Variants in FCHSD2 observed in about 807,000 individuals in gnomAD.
FCHSD2 encodes F-BAR and double SH3 domains protein 2.
In FCHSD2, 38 loss-of-function variants were observed where a neutral mutation model predicts 108.1. The observed-to-expected ratio is 0.35, with a 90% confidence interval of 0.27 to 0.46. The LOEUF (loss-of-function observed/expected upper bound fraction) is 0.46. FCHSD2 is among the 20% of genes least tolerant of loss of function. FCHSD2 has a pLI of 1.00. For missense variants in FCHSD2, 751 were observed against 897.8 expected, an observed-to-expected ratio of 0.84 and a Z score of 2.09; for synonymous variants, 279 against 314.7, an observed-to-expected ratio of 0.89 and a Z score of 1.20.
At chr11:73,077,668 A>C (rs778291317) in intron 3 of FCHSD2, 1 of 428,506 alleles carries the variant, frequency 2.3e-6, no homozygotes. Flanking sequence ...ATACAATGGA[A>C]TACTACACAG....
chr11:73,072,455 A>G (rs1859460098), intron 3 of FCHSD2, among the ~76,000 whole-genome samples: 1 of 152,262 alleles, frequency 6.6e-6, no homozygotes, highest in African/African-American at 2.4e-5. Context: ...AGTTTTTAAA[A>G]ACTTAAAAAT....
chr11:72,922,510 T>C (rs1210216387), intron 8 of FCHSD2, among the ~76,000 whole-genome samples: 2 of 152,122 alleles, frequency 1.3e-5, no homozygotes, highest in Non-Finnish European at 2.9e-5. Context: ...CTTATTTCCT[T>C]AAACATTTTG....
intron 3 of FCHSD2, among the ~76,000 whole-genome samples, chr11:73,024,515 T>A (rs1213870087): frequency 1.3e-5 from 2 of 152,024 alleles, no homozygotes; most frequent in Admixed American, 6.6e-5. Flanking sequence ...AAGCTCAGTG[T>A]TGGAGTGGGA....
At chr11:73,004,109 CAAAAAAAAAAAAAA>C (rs58773322) in intron 4 of FCHSD2, among the ~76,000 whole-genome samples, 2 of 43,044 alleles carry the variant, frequency 4.6e-5, no homozygotes, top group East Asian at 8.4e-4. Flanking sequence ...ACTCCAACTC[CAAAAAAAAAAAAAA>C]AAAAAAAAAA....
At chr11:73,092,938 C>A (rs1859990630) in intron 2 of FCHSD2, among the ~76,000 whole-genome samples, 1 of 152,098 alleles carries the variant, frequency 6.6e-6, no homozygotes. Context: ...GGACCTTGTG[C>A]CACACCAAAT....
In FCHSD2 at chr11:72,889,465, A is replaced by ACTC. The variant is rs1403588750; in HGVS notation, c.1041+363_1041+364insGAG. ...TGACAGCACACTGCTGAGTGTTGAG[A>ACTC]AAGTACAGAAAAAACACATATAATG... On this transcript the variant is annotated intron_variant, in intron 11 of 19. Coordinates refer to ENST00000409418, the MANE Select transcript of FCHSD2 (RefSeq NM_014824.3). Among the ~76,000 whole-genome samples the ACTC allele has an allele frequency of 3.6e-3, 543 of 152,262 alleles. 1 individual carries two copies. Among genetic ancestry groups the ACTC allele is most frequent in the African/African-American group, 0.012 (515 of 41,534 alleles).
chr11:73,003,441 G>C (rs1857667362), intron 4 of FCHSD2, among the ~76,000 whole-genome samples: 1 of 151,840 alleles, frequency 6.6e-6, no homozygotes, highest in African/African-American at 2.4e-5. Context: ...AATGGTAGTG[G>C]TGTTTTTCAT....
intron 3 of FCHSD2, among the ~76,000 whole-genome samples, chr11:73,065,261 G>T (rs1008260087): frequency 6.6e-6 from 1 of 151,916 alleles, no homozygotes; most frequent in Non-Finnish European, 1.5e-5. Flanking sequence ...AAAAAAACAC[G>T]ATTATCTCAA....
chr11:73,123,315 T>C (rs557631885), intron 2 of FCHSD2, among the ~76,000 whole-genome samples: 1 of 152,350 alleles, frequency 6.6e-6, no homozygotes, highest in Non-Finnish European at 1.5e-5. Flanking sequence ...GCCAAGCCAG[T>C]ATTTCCTGGA....
chr11:73,007,776 T>C (rs1211234712), intron 4 of FCHSD2, among the ~76,000 whole-genome samples: 1 of 152,202 alleles, frequency 6.6e-6, no homozygotes, highest in Non-Finnish European at 1.5e-5. Flanking sequence ...TGAATGTGTA[T>C]AAAACTAACG....
At position 73,140,062 on chromosome 11, in the gene FCHSD2, G is replaced by C; in HGVS notation, c.88C>G (p.Gln30Glu). ...EQMTKLQAKH[Q>E]AECDLLEDMR... ...TCTTCAAGCAAATCACATTCTGCTT[G>C]ATGTTTGGCTTGAAGTTTTGTCATC... is the stretch of plus-strand genomic sequence containing the variant. Residue 30 changes from glutamine (Q) to glutamate (E), a missense_variant, in exon 2 of 20, where the codon CAA becomes GAA. By Grantham distance (29) the Gln-to-Glu change is conservative. Transcript: ENST00000409418. 1.9e-6 allele frequency: 3 copies of C among 1,546,102 alleles called. No individual in the cohort carries two copies. The highest frequency in any genetic ancestry group is 1.2e-5 in the South Asian group (1 of 82,888).
chr11:73,067,616 C>G (rs1317361753), intron 3 of FCHSD2, among the ~76,000 whole-genome samples: 2 of 151,990 alleles, frequency 1.3e-5, no homozygotes, highest in Non-Finnish European at 2.9e-5. Flanking sequence ...ATTTATAAGA[C>G]CTGGTTCTAC....
intron 8 of FCHSD2, among the ~76,000 whole-genome samples, chr11:72,980,168 T>TG (rs1857186011): frequency 6.6e-6 from 1 of 152,188 alleles, no homozygotes; most frequent in African/African-American, 2.4e-5. Flanking sequence ...AAAACCCACT[T>TG]GCTAAGCATA....
At chr11:72,988,877 C>G in intron 6 of FCHSD2, 87 bp downstream of exon 6, 1 of 1,108,178 alleles carries the variant, frequency 9.0e-7, no homozygotes, top group Non-Finnish European at 1.3e-6. Context: ...AGAATGGGTC[C>G]ATGCTCACTA....
intron 3 of FCHSD2, among the ~76,000 whole-genome samples, chr11:73,040,980 A>G (rs1858622748): frequency 6.6e-6 from 1 of 152,034 alleles, no homozygotes. Context: ...AACATGTGAT[A>G]TTTGTCTTTC....
intron 12 of FCHSD2, among the ~76,000 whole-genome samples, chr11:72,883,495 C>A (rs1450469088): frequency 6.6e-6 from 1 of 152,050 alleles, no homozygotes; most frequent in African/African-American, 2.4e-5. Context: ...TTAACAAATA[C>A]TTTACTAAGG....
intron 8 of FCHSD2, among the ~76,000 whole-genome samples, chr11:72,969,693 A>G (rs543215946): frequency 6.6e-6 from 1 of 152,346 alleles, no homozygotes; most frequent in African/African-American, 2.4e-5. Flanking sequence ...TAATAAGAAA[A>G]CAAATAAAAT....
At chr11:72,878,936 G>A (rs528876081) in intron 12 of FCHSD2, among the ~76,000 whole-genome samples, 6 of 151,782 alleles carry the variant, frequency 4.0e-5, no homozygotes, top group African/African-American at 1.5e-4. Flanking sequence ...GTGAAACCCC[G>A]TCTCTACTAA....
At position 73,002,615 on chromosome 11, in the gene FCHSD2, AC is replaced by A. The variant is rs983469662; in HGVS notation, c.243-1482del. 2.2e-3 allele frequency among the ~76,000 whole-genome samples: 337 copies of A among 152,300 alleles called. 1 individual carries two copies. Among genetic ancestry groups the A allele is most frequent in the African/African-American group, 7.7e-3 (320 of 41,544 alleles). On this transcript the variant is annotated intron_variant, in intron 4 of 19. Coordinates refer to ENST00000409418, the MANE Select transcript of FCHSD2 (RefSeq NM_014824.3). ...AAAATAATAAAAAAAATGAAAAAGA[AC>A]CATTATAAATTGTGATAGGAAGAAA...
Sources: allele counts gnomAD v4.1 joint callset (sites outside exome capture counted in the v4.1 genomes callset), GRCh38; gene constraint gnomAD v4.1.1; transcripts MANE v1.5; gene names NCBI Gene and HGNC (gene_info 2026-07-23, HGNC 2026-07-21).